Variants in CSNK2A2IP observed in about 807,000 individuals in gnomAD.
CSNK2A2IP encodes the protein casein kinase 2 subunit alpha' interacting protein, also known as casein kinase II subunit alpha'-interacting protein.
chr3:88,438,090 T>C, the CSNK2A2IP span, among the ~76,000 whole-genome samples: 8 of 151,396 alleles, frequency 5.3e-5, no homozygotes, highest in Non-Finnish European at 7.4e-5. Flanking sequence ...AGCTAAAGAT[T>C]TGCAACAACT....
chr3:88,410,481 C>T, the CSNK2A2IP span, among the ~76,000 whole-genome samples: 1 of 152,014 alleles, frequency 6.6e-6, no homozygotes, highest in African/African-American at 2.4e-5. Flanking sequence ...GCTCTCCTGC[C>T]ACGGAAGTCT....
chr3:88,397,875 G>A, the CSNK2A2IP span, among the ~76,000 whole-genome samples: 8 of 151,550 alleles, frequency 5.3e-5, no homozygotes, highest in Non-Finnish European at 7.4e-5. Flanking sequence ...TACATAAATT[G>A]TTCATTCCCC....
chr3:88,427,343 G>C, the CSNK2A2IP span, among the ~76,000 whole-genome samples: 1 of 152,158 alleles, frequency 6.6e-6, no homozygotes, highest in East Asian at 1.9e-4. Context: ...AAAAAGTTTG[G>C]AAAATTTGCA....
At chr3:88,370,032 C>T in the CSNK2A2IP span, among the ~76,000 whole-genome samples, 978 of 151,968 alleles carry the variant, frequency 6.4e-3, 10 homozygotes, top group African/African-American at 0.022. Context: ...AGCTTCTTCA[C>T]ACCATGGGGG....
the CSNK2A2IP span, among the ~76,000 whole-genome samples, chr3:88,418,528 C>G: frequency 1.3e-5 from 2 of 151,648 alleles, no homozygotes; most frequent in Non-Finnish European, 2.9e-5. Context: ...CAGCATTTAG[C>G]CTGGCATAAA....
the CSNK2A2IP span, chr3:88,466,905 A>C: frequency 8.1e-7 from 1 of 1,230,062 alleles, no homozygotes; most frequent in Non-Finnish European, 1.0e-6. Context: ...GCAAAATAGA[A>C]GTGAAATTAG....
the CSNK2A2IP span, among the ~76,000 whole-genome samples, chr3:88,393,812 A>G: frequency 6.6e-6 from 1 of 152,230 alleles, no homozygotes; most frequent in Non-Finnish European, 1.5e-5. Context: ...TTTGACCAGA[A>G]AGGAACAATG....
At chr3:88,348,450 G>C in the CSNK2A2IP span, among the ~76,000 whole-genome samples, 21 of 151,984 alleles carry the variant, frequency 1.4e-4, no homozygotes, top group Admixed American at 1.2e-3. Flanking sequence ...TCAAAACTCA[G>C]AGGATGTACA....
the CSNK2A2IP span, among the ~76,000 whole-genome samples, chr3:88,464,414 G>C: frequency 1.3e-5 from 2 of 151,470 alleles, no homozygotes; most frequent in South Asian, 4.2e-4. Context: ...AAGAGACCTG[G>C]TAATATAACT....
chr3:88,466,663 G>T, the CSNK2A2IP span: 17 of 1,220,656 alleles, frequency 1.4e-5, no homozygotes, highest in African/African-American at 1.6e-5. Flanking sequence ...AAATAAAATT[G>T]TCAATTCTAT....
At chr3:88,426,892 G>A in the CSNK2A2IP span, among the ~76,000 whole-genome samples, 2 of 151,796 alleles carry the variant, frequency 1.3e-5, no homozygotes, top group East Asian at 1.9e-4. Context: ...CGGGGGATGG[G>A]GGGGGGCGGT....
At chr3:88,375,704 C>A in the CSNK2A2IP span, among the ~76,000 whole-genome samples, 2 of 151,784 alleles carry the variant, frequency 1.3e-5, no homozygotes, top group African/African-American at 4.8e-5. Context: ...CTTACATGAA[C>A]AAGAGAAGGA....
At chr3:88,354,749 C>T in the CSNK2A2IP span, among the ~76,000 whole-genome samples, 22 of 152,060 alleles carry the variant, frequency 1.4e-4, no homozygotes, top group Non-Finnish European at 2.9e-5. Context: ...GAAAAGAAAC[C>T]CCATGAGATT....
chr3:88,391,763 G>A, the CSNK2A2IP span, among the ~76,000 whole-genome samples: 1 of 152,200 alleles, frequency 6.6e-6, no homozygotes, highest in African/African-American at 2.4e-5. Flanking sequence ...ATTTGATGTT[G>A]TAGAGGTAGA....
At chr3:88,415,977 T>G in the CSNK2A2IP span, among the ~76,000 whole-genome samples, 2 of 151,656 alleles carry the variant, frequency 1.3e-5, no homozygotes, top group Non-Finnish European at 2.9e-5. Flanking sequence ...AAGGCTTAAA[T>G]GAAAAAGGGT....
chr3:88,456,120 T>G, the CSNK2A2IP span, among the ~76,000 whole-genome samples: 2 of 152,086 alleles, frequency 1.3e-5, no homozygotes, highest in Non-Finnish European at 2.9e-5. Flanking sequence ...TAATATAGTA[T>G]GAAATCAGGA....
the CSNK2A2IP span, among the ~76,000 whole-genome samples, chr3:88,424,420 T>G: frequency 6.6e-6 from 1 of 152,220 alleles, no homozygotes; most frequent in Non-Finnish European, 1.5e-5. Context: ...TATTTTATTC[T>G]TTATGAAGGT....
the CSNK2A2IP span, among the ~76,000 whole-genome samples, chr3:88,342,054 G>T: frequency 5.3e-5 from 8 of 151,932 alleles, no homozygotes; most frequent in East Asian, 1.5e-3. Context: ...TTGTTTGATG[G>T]TTTTTATTTG....
chr3:88,406,771 G>A, the CSNK2A2IP span, among the ~76,000 whole-genome samples: 1 of 151,966 alleles, frequency 6.6e-6, no homozygotes, highest in African/African-American at 2.4e-5. Flanking sequence ...TATTTTTGTT[G>A]GTCTCTGGAA....
Sources: allele counts gnomAD v4.1 joint callset (sites outside exome capture counted in the v4.1 genomes callset), GRCh38; gene constraint gnomAD v4.1.1; transcripts MANE v1.5; gene names NCBI Gene and HGNC (gene_info 2026-07-23, HGNC 2026-07-21).